Variants in POLR1C observed in about 807,000 individuals in gnomAD.
The protein encoded by POLR1C is DNA-directed RNA polymerases I and III subunit RPAC1.
Under a neutral mutation model 38.3 loss-of-function variants are expected in POLR1C, and 42 were observed. The observed-to-expected ratio is 1.10, with a 90% CI of 0.86 to 1.42. POLR1C has a LOEUF of 1.42. Among genes scored for constraint, POLR1C ranks in the 40% most tolerant of loss-of-function variants. The pLI is 0.00. For missense variants in POLR1C, 507 were observed against 450.5 expected (o/e 1.13, Z -1.14); for synonymous variants, 163 against 163.9 (o/e 0.99, Z 0.04).
chr6:43,541,562 A>G (rs1794690480), intron 9 of POLR1C, among the ~76,000 whole-genome samples: 1 of 148,024 alleles, frequency 6.8e-6, no homozygotes, highest in Non-Finnish European at 1.5e-5. Flanking sequence ...TGCCAGGCCC[A>G]TTAAGCAGTA....
rs1195186315 is a variant in POLR1C at position 43,529,188 on chromosome 6, A to C, written c.923-61A>C. The C allele has an allele frequency of 2.1e-6, 3 of 1,459,316 alleles. No individual in the cohort carries two copies. The African/African-American group carries it at 4.2e-5, about 21-fold the overall frequency. The allele number at this position is 1,459,316 out of a possible 1,614,324, so 90.4% of individuals were successfully genotyped here. A position where few individuals can be genotyped will look rare whatever the true frequency, so the allele number is the denominator to read the frequency against. On this transcript the variant is annotated intron_variant, in intron 8 of 8. Transcript: ENST00000304004. ...ACTGGCCCAAAAAGTAGGAATAAAA[A>C]AATAGGAAGGAGGACATCCTTGTAA...
downstream of POLR1C, chr6:43,533,796 G>A: frequency 2.9e-6 from 2 of 690,344 alleles, no homozygotes; most frequent in Non-Finnish European, 4.6e-6. Context: ...GGTTGCACCA[G>A]TGCACTCTAG....
chr6:43,539,527 C>T lies in POLR1C; in HGVS notation c.*4+10168C>T. On this transcript the variant is annotated intron_variant, in intron 9 of 10. Transcript: ENST00000607635. ...GGCCCAGCTTGGTGACGGGCATCCACTCCTTATCTTTGGCCTTGCCTCCGC... is the reference window on the plus strand; with the variant it reads ...GGCCCAGCTTGGTGACGGGCATCCATTCCTTATCTTTGGCCTTGCCTCCGC... 6 of 1,517,858 alleles carry T rather than the reference C, an allele frequency of 4.0e-6. No homozygotes were observed. The South Asian group carries it at 4.5e-5, about 11-fold the overall frequency. The allele number at this position is 1,517,858 out of a possible 1,614,324, so 94.0% of individuals were successfully genotyped here.
chr6:43,553,347 A>C, intron 10 of POLR1C: 1 of 1,596,304 alleles, frequency 6.3e-7, no homozygotes, highest in Non-Finnish European at 8.5e-7. Flanking sequence ...ATAATCATGC[A>C]GTCAGCATGG....
downstream of POLR1C, chr6:43,524,968 C>T (rs765069295): frequency 6.2e-7 from 1 of 1,612,726 alleles, no homozygotes; most frequent in Admixed American, 1.7e-5. Flanking sequence ...CCTGACAGCA[C>T]CTGGGGAGAC....
rs1794514678 is a variant in POLR1C at position 43,538,885 on chromosome 6, G to A, written c.*4+9526G>A. ...CAGAGACTCTGGTGTGGGTCTTGAC[G>A]AGGTGGTCAGTGAATTCCTGATAGG... On this transcript the variant is annotated intron_variant, in intron 9 of 10. Transcript: ENST00000607635. 23 of 1,284,514 alleles carry A rather than the reference G, an allele frequency of 1.8e-5. No homozygotes were observed. In the South Asian group the frequency reaches 2.7e-4, roughly 15 times the overall value. 79.6% of individuals were successfully genotyped at this position (1,284,514 alleles called of 1,614,324 possible). A position where few individuals can be genotyped will look rare whatever the true frequency, so the allele number is the denominator to read the frequency against.
chr6:43,561,789 A>G (rs1762430137), exon 11 of POLR1C: 1 of 154,698 alleles, frequency 6.5e-6, no homozygotes, highest in African/African-American at 2.4e-5. Flanking sequence ...CTTCCAACTT[A>G]TAAGACTGAG....
chr6:43,520,703 T>A lies in POLR1C; in HGVS notation c.734T>A (p.Val245Glu), dbSNP rs777986693. Residue 245 changes from valine (V) to glutamate (E), a missense_variant, in exon 7 of 9, where the codon GTG (valine) becomes GAG (glutamate). Val to Glu is a moderately radical substitution (Grantham distance 121). Coordinates refer to ENST00000642195, the MANE Select transcript of POLR1C (RefSeq NM_203290.4). ...CCAGACATCACCCTGCTTGAGCCCGTGGAAGGGGAGGCAGCTGAGGAGTTG... is the reference window on the plus strand; with the variant it reads ...CCAGACATCACCCTGCTTGAGCCCGAGGAAGGGGAGGCAGCTGAGGAGTTG... ...LLPDITLLEP[V>E]EGEAAEELSR... 1 of 1,614,074 alleles carries A rather than the reference T, an allele frequency of 6.2e-7. No individual in the cohort carries two copies. Among genetic ancestry groups the A allele is most frequent in the South Asian group, 1.1e-5 (1 of 91,080 alleles).
At chr6:43,533,842 CA>C (rs11404474), downstream of POLR1C, 22 of 1,283,820 alleles carry the variant, frequency 1.7e-5, no homozygotes, top group East Asian at 5.6e-5. Flanking sequence ...TAAAAAACAA[CA>C]AAAAAAGGGG....
At chr6:43,557,042 C>T (rs1762126321) in intron 10 of POLR1C, among the ~76,000 whole-genome samples, 1 of 150,864 alleles carries the variant, frequency 6.6e-6, no homozygotes, top group East Asian at 2.0e-4. Flanking sequence ...GCAGAAAAAT[C>T]GCTTGAACCT....
At chr6:43,527,827 TCTC>T in intron 8 of POLR1C, 6 of 1,344,970 alleles carry the variant, frequency 4.5e-6, no homozygotes, top group African/African-American at 2.9e-5. Context: ...ACCACTTTCT[TCTC>T]CTTTGGGTCT....
Position 43,521,197 on chromosome 6 carries a change from C to T in POLR1C, c.938C>T (p.Thr313Met), listed in dbSNP as rs181576159. Residue 313 changes from threonine to methionine, a missense_variant, in exon 9 of 9, where the codon ACG becomes ATG. By Grantham distance (81) the Thr-to-Met change is moderately conservative. Coordinates refer to ENST00000642195, the MANE Select transcript of POLR1C (RefSeq NM_203290.4). ...RDHYIFSVES[T>M]GVLPPDVLVS... ...TGGTCCCCAGTCTCTGTTGAGTCAA[C>T]GGGGGTGTTGCCACCAGATGTGCTG... is the stretch of plus-strand genomic sequence containing the variant. 3.8e-5 allele frequency: 61 copies of T among 1,614,040 alleles called. No individual in the cohort carries two copies. Among genetic ancestry groups the T allele is most frequent in the Non-Finnish European group, 4.7e-5 (55 of 1,179,970 alleles).
intron 10 of POLR1C, chr6:43,558,528 C>A: frequency 6.2e-7 from 1 of 1,603,958 alleles, no homozygotes. Flanking sequence ...AAGTCCTCAT[C>A]GCTATCAAAA....
rs6458340 is a variant in POLR1C, at chr6:43,527,423, G to A, written c.923-1826G>A. ...AGTAGCTGGGACTACAGGCCTGCGCGCCACTACGCCCAGCTAATTTTTGTA... is the reference window on the plus strand; with the variant it reads ...AGTAGCTGGGACTACAGGCCTGCGCACCACTACGCCCAGCTAATTTTTGTA... On this transcript the variant is annotated intron_variant, in intron 8 of 8. Coordinates refer to the POLR1C transcript ENST00000304004. The A allele has an allele frequency of 0.015, 6,761 of 450,482 alleles. 416 individuals are homozygous for A. The highest frequency in any genetic ancestry group is 0.12 in the African/African-American group (6,164 of 49,666). 27.9% of individuals were successfully genotyped at this position (450,482 alleles called of 1,614,324 possible).
downstream of POLR1C, chr6:43,531,357 A>G: frequency 1.2e-6 from 1 of 858,276 alleles, no homozygotes; most frequent in Non-Finnish European, 1.9e-6. Flanking sequence ...TAGAATGATA[A>G]GTTTCCTATC....
chr6:43,519,715 A>G lies in POLR1C; in HGVS notation c.259A>G (p.Met87Val), dbSNP rs760308328. The change falls in exon 4 of 9, where the codon ATG becomes GTG. Residue 87 changes from methionine to valine, a missense_variant. Met to Val is a conservative substitution (Grantham distance 21, BLOSUM62 1). Coordinates refer to ENST00000642195, the MANE Select transcript of POLR1C (RefSeq NM_203290.4). Reference sequence around the variant, plus strand: ...ATTTTTCCTTGGGCAGGTGCCAACTATGGCTGTGGAGAAGGTCCTGGTGTA... The same window carrying G: ...ATTTTTCCTTGGGCAGGTGCCAACTGTGGCTGTGGAGAAGGTCCTGGTGTA... ...RRILLAEVPTMAVEKVLVYNN... is the reference protein window; with the variant it reads ...RRILLAEVPTVAVEKVLVYNN... The G allele has an allele frequency of 1.2e-4, 196 of 1,614,034 alleles. No individual in the cohort carries two copies. Among genetic ancestry groups the G allele is most frequent in the Middle Eastern group, 1.6e-4 (1 of 6,084 alleles).
downstream of POLR1C, chr6:43,526,267 G>A (rs975243083): frequency 5.5e-6 from 2 of 365,716 alleles, no homozygotes; most frequent in African/African-American, 2.0e-5. Context: ...CCTGATGGGA[G>A]TTTACATTCT....
chr6:43,524,410 T>G (rs1793410905), downstream of POLR1C: 2 of 1,558,160 alleles, frequency 1.3e-6, no homozygotes, highest in Non-Finnish European at 1.7e-6. Flanking sequence ...TGGTTTATGG[T>G]TTGCCCATAC....
chr6:43,547,722 G>A (rs1398808180), intron 9 of POLR1C: 2 of 1,610,672 alleles, frequency 1.2e-6, no homozygotes, highest in Non-Finnish European at 1.7e-6. Flanking sequence ...AGGTTGGAGG[G>A]GGAAAAACAA....
Sources: allele counts gnomAD v4.1 joint callset (sites outside exome capture counted in the v4.1 genomes callset), GRCh38; gene constraint gnomAD v4.1.1; transcripts MANE v1.5; gene names NCBI Gene and HGNC (gene_info 2026-07-23, HGNC 2026-07-21).